The following PTPN14 variants were observed in gnomAD, a reference collection of about 807,000 sequenced individuals.
PTPN14 encodes the protein protein tyrosine phosphatase non-receptor type 14.
A neutral mutation model predicts 126.8 loss-of-function variants in PTPN14; 53 were observed. That is an observed-to-expected ratio of 0.42 (90% confidence interval 0.34 to 0.53). The LOEUF is 0.53. Ranked by LOEUF, PTPN14 falls within the 20% of genes least tolerant of loss-of-function variation. The pLI is 0.08. For missense variants in PTPN14, 1,257 were observed against 1,552.9 expected (o/e 0.81, Z 3.20); for synonymous variants, 630 against 599.3 (o/e 1.05, Z -0.75).
At chr1:214,433,922 C>CCACACACACA (rs1186419218) in intron 3 of PTPN14, among the ~76,000 whole-genome samples, 2 of 123,786 alleles carry the variant, frequency 1.6e-5, no homozygotes, top group African/African-American at 7.0e-5. Flanking sequence ...GACATTATTT[C>CCACACACACA]CACACACACA....
intron 3 of PTPN14, among the ~76,000 whole-genome samples, chr1:214,423,475 C>T (rs1659590278): frequency 6.6e-6 from 1 of 152,190 alleles, no homozygotes; most frequent in Non-Finnish European, 1.5e-5. Flanking sequence ...GTCACTGTAA[C>T]CATGAGCCCA....
intron 1 of PTPN14, among the ~76,000 whole-genome samples, chr1:214,521,875 T>C (rs999539514): frequency 5.3e-5 from 8 of 151,196 alleles, no homozygotes; most frequent in African/African-American, 2.0e-4. Flanking sequence ...TAAAACCATG[T>C]TTCATAAGAT....
chr1:214,451,714 C>T (rs1203972942), intron 3 of PTPN14, 91 bp downstream of exon 3: 2 of 1,447,478 alleles, frequency 1.4e-6, no homozygotes, highest in Admixed American at 2.1e-5. Context: ...CACACCCACA[C>T]ACCCCTAAAT....
rs1350275071 is a variant in PTPN14, at chr1:214,495,668, TTTA to T, written c.-154-30714_-154-30712del. ...ATCATGTGCTATTTTATTTTTTTTATTTATTTATTTATTTATTTATTTATTTAT... is the reference window on the plus strand; with the variant it reads ...ATCATGTGCTATTTTATTTTTTTTATTTTATTTATTTATTTATTTATTTAT... On this transcript the variant is annotated intron_variant, in intron 1 of 18. Coordinates refer to ENST00000366956, the MANE Select transcript of PTPN14 (RefSeq NM_005401.5). Among the ~76,000 whole-genome samples the T allele has an allele frequency of 1.5e-3, 5 of 3,426 alleles. No individual in the cohort carries two copies. In the East Asian group the frequency reaches 0.021, roughly 15 times the overall value. The allele number at this position is 3,426 out of a possible 152,430, so 2.2% of individuals were successfully genotyped here.
In PTPN14 at chr1:214,366,628, C is replaced by A. The variant is rs142118714; in HGVS notation, c.3272-1953G>T. ...AAAATCTTTTAAAACCTAGGAGAAA[C>A]AGATTCAACATTTCTAATGCCCTGC... On this transcript the variant is annotated intron_variant, in intron 17 of 18. Transcript: ENST00000366956. Among the ~76,000 whole-genome samples, 38 of 152,270 alleles carry A rather than the reference C, an allele frequency of 2.5e-4. No individual in the cohort carries two copies. In the East Asian group the frequency reaches 6.8e-3, roughly 27 times the overall value.
chr1:214,395,588 A>AACACACACACACAC (rs57357032), intron 8 of PTPN14, among the ~76,000 whole-genome samples: 2,017 of 132,486 alleles, frequency 0.015, 46 homozygotes, highest in East Asian at 0.088. Flanking sequence ...GGGACCCAAC[A>AACACACACACACAC]ACACACACAC....
Position 214,364,766 on chromosome 1 carries a change from A to AGTCTGTGTGT in PTPN14, c.3272-92_3272-91insACACACAGAC. Reference sequence around the variant, plus strand: ...GGGGAGCGGAAGAGAACTGATGGTGAGTGTGTGTGTGTGTGTGTGTGTGTG... The same window carrying AGTCTGTGTGT: ...GGGGAGCGGAAGAGAACTGATGGTGAGTCTGTGTGTGTGTGTGTGTGTGTGTGTGTGTGTG... On this transcript the variant is annotated intron_variant, in intron 17 of 18. Transcript: ENST00000366956. This position sits in a 1 kb window ranked among gnomAD's most constrained non-coding sequence, Gnocchi z 4.1. 1.7e-6 allele frequency: 1 copy of AGTCTGTGTGT among 590,314 alleles called. No homozygotes were observed. Among genetic ancestry groups the AGTCTGTGTGT allele is most frequent in the African/African-American group, 2.2e-5 (1 of 44,456 alleles). The allele number at this position is 590,314 out of a possible 1,614,324, so 36.6% of individuals were successfully genotyped here. A position where few individuals can be genotyped will look rare whatever the true frequency, so the allele number is the denominator to read the frequency against.
At chr1:214,435,563 C>T (rs1659893207) in intron 3 of PTPN14, among the ~76,000 whole-genome samples, 1 of 151,140 alleles carries the variant, frequency 6.6e-6, no homozygotes, top group Non-Finnish European at 1.5e-5. Context: ...AAGGAAAAAA[C>T]AAACAATCCC....
chr1:214,384,211 C>T lies in PTPN14; in HGVS notation c.1644G>A (p.Gln548=), dbSNP rs757711533. Reference sequence around the variant, plus strand: ...GGGCCGTGCTGTAGTTATGGCTGCCCTGCAGCTGCATGTTGGCCAGCTCTG... The same window carrying T: ...GGGCCGTGCTGTAGTTATGGCTGCCTTGCAGCTGCATGTTGGCCAGCTCTG... The part of the protein sequence containing the change: ...STPELANMQL[Q]GSHNYSTAHM... The change falls in exon 13 of 19, where the codon CAG becomes CAA. Residue 548 remains glutamine, a synonymous_variant. Coordinates refer to ENST00000366956, the MANE Select transcript of PTPN14 (RefSeq NM_005401.5). The surrounding 1 kb of genome is among the most constrained non-coding windows in gnomAD (Gnocchi z 5.3). The T allele has an allele frequency of 1.9e-6, 3 of 1,612,612 alleles. No individual in the cohort carries two copies. In the South Asian group the frequency reaches 3.3e-5, roughly 18 times the overall value.
chr1:214,444,667 G>A (rs1294023073), intron 3 of PTPN14, among the ~76,000 whole-genome samples: 1 of 152,094 alleles, frequency 6.6e-6, no homozygotes, highest in Non-Finnish European at 1.5e-5. Flanking sequence ...TTATAAGAAA[G>A]AAAATGTGAA....
At chr1:214,532,582 G>A (rs772696554) in intron 1 of PTPN14, 80 of 1,043,330 alleles carry the variant, frequency 7.7e-5, no homozygotes, top group Middle Eastern at 2.3e-4. Context: ...CAAGATCATC[G>A]AGGACCTGAG....
At chr1:214,431,107 T>G (rs575806439) in intron 3 of PTPN14, among the ~76,000 whole-genome samples, 1 of 152,152 alleles carries the variant, frequency 6.6e-6, no homozygotes, top group African/African-American at 2.4e-5. Context: ...TCCAGAGACA[T>G]TGAACGGCAC....
intron 1 of PTPN14, among the ~76,000 whole-genome samples, chr1:214,523,794 C>A (rs1655320236): frequency 6.6e-6 from 1 of 151,696 alleles, no homozygotes; most frequent in African/African-American, 2.4e-5. Context: ...TGTCACTGAA[C>A]ACTGGGGCTG....
intron 3 of PTPN14, among the ~76,000 whole-genome samples, chr1:214,431,347 G>A (rs1405993657): frequency 6.6e-6 from 1 of 152,154 alleles, no homozygotes; most frequent in Non-Finnish European, 1.5e-5. Context: ...CAAATTGGGA[G>A]GTCAAATAAT....
intron 1 of PTPN14, among the ~76,000 whole-genome samples, chr1:214,519,788 G>A (rs1006626575): frequency 1.3e-5 from 2 of 152,048 alleles, no homozygotes; most frequent in East Asian, 1.9e-4. Flanking sequence ...CGTGGCTCAC[G>A]CTTGTCATCC....
chr1:214,442,217 A>C (rs1475103984), intron 3 of PTPN14, among the ~76,000 whole-genome samples: 1 of 152,136 alleles, frequency 6.6e-6, no homozygotes, highest in Non-Finnish European at 1.5e-5. Flanking sequence ...TAGGGACGAG[A>C]AGTGTTTGGG....
intron 5 of PTPN14, among the ~76,000 whole-genome samples, chr1:214,408,855 G>A (rs1333696154): frequency 1.3e-5 from 2 of 152,032 alleles, no homozygotes; most frequent in Non-Finnish European, 2.9e-5. Flanking sequence ...GTGAGGAGAA[G>A]CTCAGTACGT....
intron 1 of PTPN14, among the ~76,000 whole-genome samples, chr1:214,465,372 G>C (rs186861548): frequency 6.6e-6 from 1 of 152,320 alleles, no homozygotes; most frequent in Non-Finnish European, 1.5e-5. Flanking sequence ...CATTTTGGGA[G>C]GTTGAGGCGG....
chr1:214,402,457 A>AAAAAAAAAAAAAAAAAAAAAAAC (rs1659045590), intron 6 of PTPN14, among the ~76,000 whole-genome samples: 1 of 146,186 alleles, frequency 6.8e-6, no homozygotes, highest in Non-Finnish European at 1.5e-5. Context: ...AAAAAAAAAA[A>AAAAAAAAAAAAAAAAAAAAAAAC]AAGCCACGAT....
Sources: allele counts gnomAD v4.1 joint callset (sites outside exome capture counted in the v4.1 genomes callset), GRCh38; gene constraint gnomAD v4.1.1; non-coding constraint Gnocchi (gnomAD v3.1); transcripts MANE v1.5; gene names NCBI Gene and HGNC (gene_info 2026-07-23, HGNC 2026-07-21).